Variants in SCP2 observed in about 807,000 individuals in gnomAD.
The protein encoded by SCP2 is sterol carrier protein 2, also known as SCP-2/3-oxoacyl-CoA thiolase.
In SCP2, 48 loss-of-function variants were observed where a neutral mutation model predicts 71.4. The ratio of observed to expected loss-of-function variants is 0.67; its 90% confidence interval spans 0.53 to 0.86. The LOEUF is 0.86. Among genes scored for constraint, SCP2 ranks in the 40% least tolerant of loss-of-function variants. SCP2 has a pLI of 0.00. For missense variants in SCP2, 560 were observed against 655.6 expected (o/e 0.85, Z 1.59); for synonymous variants, 220 against 218.1 (o/e 1.01, Z -0.08).
At chr1:52,950,726 C>T (rs775997412) in intron 3 of SCP2, 29 bp from the exon 4 acceptor site, 12 of 1,599,026 alleles carry the variant, frequency 7.5e-6, no homozygotes, top group Non-Finnish European at 1.0e-5. Context: ...CATAATTCTC[C>T]ATATTAAAAT....
chr1:53,028,100 A>G (rs1662265247), intron 13 of SCP2, 29 bp downstream of exon 13: 2 of 1,259,678 alleles, frequency 1.6e-6, no homozygotes, highest in Non-Finnish European at 2.3e-6. Flanking sequence ...ATTGCCAGGA[A>G]GGACCTTGAG....
chr1:53,041,262 G>A (rs530237548), intron 14 of SCP2, among the ~76,000 whole-genome samples: 1 of 152,004 alleles, frequency 6.6e-6, no homozygotes, highest in Non-Finnish European at 1.5e-5. Flanking sequence ...AATTAGCTGG[G>A]TGTGTGGTGC....
In SCP2 at chr1:53,018,986, T is replaced by C. The variant is rs529599381; in HGVS notation, c.1235+3943T>C. ...TCTTGACCATGATTTTTTTGAAGAG[T>C]GCAAGTATATTCTTTAATAGTAGAA... On this transcript the variant is annotated intron_variant, in intron 12 of 15. Coordinates refer to ENST00000371514, the MANE Select transcript of SCP2 (RefSeq NM_002979.5). 1.4e-4 allele frequency among the ~76,000 whole-genome samples: 21 copies of C among 152,246 alleles called. No individual in the cohort carries two copies. The East Asian group carries it at 4.0e-3, about 29-fold the overall frequency.
intron 11 of SCP2, chr1:52,995,649 T>C (rs1659881525): frequency 4.5e-6 from 3 of 665,708 alleles, no homozygotes; most frequent in Non-Finnish European, 8.6e-6. Flanking sequence ...CCGTGGCTGC[T>C]GTCTTTGTGG....
At chr1:52,941,923 G>T in intron 2 of SCP2, 70 bp downstream of exon 2, 1 of 1,153,874 alleles carries the variant, frequency 8.7e-7, no homozygotes, top group Non-Finnish European at 1.3e-6. Flanking sequence ...TTCATGGATG[G>T]GGCAGCCTTG....
chr1:52,972,054 A>T (rs1657548813), intron 6 of SCP2, among the ~76,000 whole-genome samples: 1 of 152,100 alleles, frequency 6.6e-6, no homozygotes, highest in South Asian at 2.1e-4. Flanking sequence ...ATTTGGGGGT[A>T]TTGTTTCTTT....
intron 2 of SCP2, among the ~76,000 whole-genome samples, chr1:52,943,374 C>G (rs531968932): frequency 3.3e-5 from 5 of 152,174 alleles, no homozygotes; most frequent in East Asian, 1.9e-4. Flanking sequence ...AGGCACCCCC[C>G]ACCTTGCCCA....
chr1:52,932,472 A>G (rs1653249424), intron 1 of SCP2, among the ~76,000 whole-genome samples: 1 of 152,220 alleles, frequency 6.6e-6, no homozygotes, highest in Non-Finnish European at 1.5e-5. Flanking sequence ...AGCTAATTAG[A>G]GAATGAATGT....
chr1:52,949,946 T>G (rs1655144127), intron 3 of SCP2, among the ~76,000 whole-genome samples: 1 of 152,192 alleles, frequency 6.6e-6, no homozygotes, highest in African/African-American at 2.4e-5. Context: ...GAACCTCTAC[T>G]TTACTTTTTA....
intron 1 of SCP2, among the ~76,000 whole-genome samples, chr1:52,935,181 G>C (rs1225999856): frequency 6.6e-6 from 1 of 150,726 alleles, no homozygotes; most frequent in Non-Finnish European, 1.5e-5. Context: ...CAGGAGAATT[G>C]CATGAACCCG....
intron 10 of SCP2, among the ~76,000 whole-genome samples, chr1:52,986,520 C>T (rs756055362): frequency 6.6e-6 from 1 of 152,132 alleles, no homozygotes; most frequent in African/African-American, 2.4e-5. Context: ...ATCTAAAATC[C>T]TGTGATTAGT....
chr1:53,030,573 C>G (rs984521980), intron 13 of SCP2, among the ~76,000 whole-genome samples: 1 of 151,948 alleles, frequency 6.6e-6, no homozygotes, highest in African/African-American at 2.4e-5. Context: ...CTTCACACCT[C>G]TGATACTATG....
At chr1:52,950,108 TTTTATTTA>T (rs35871937) in intron 3 of SCP2, among the ~76,000 whole-genome samples, 7 of 151,312 alleles carry the variant, frequency 4.6e-5, no homozygotes, top group Admixed American at 6.6e-5. Flanking sequence ...GGTTTAAAGA[TTTTATTTA>T]TTTATTTATT....
chr1:53,023,571 G>A (rs1661899419), intron 12 of SCP2, among the ~76,000 whole-genome samples: 1 of 152,108 alleles, frequency 6.6e-6, no homozygotes. Flanking sequence ...TTAAAGAAAA[G>A]GTATGGTATC....
chr1:52,975,476 C>G (rs1324579286), intron 7 of SCP2, among the ~76,000 whole-genome samples: 1 of 152,052 alleles, frequency 6.6e-6, no homozygotes, highest in Non-Finnish European at 1.5e-5. Context: ...CCGCACCCAG[C>G]CTGTATTTTT....
chr1:52,949,013 GA>G (rs1345791366), intron 3 of SCP2, among the ~76,000 whole-genome samples: 1 of 151,168 alleles, frequency 6.6e-6, no homozygotes, highest in African/African-American at 2.4e-5. Context: ...CATTTTAAAT[GA>G]TTATATGATA....
At chr1:53,002,433 T>C (rs779342849) in intron 11 of SCP2, among the ~76,000 whole-genome samples, 1 of 152,218 alleles carries the variant, frequency 6.6e-6, no homozygotes, top group Non-Finnish European at 1.5e-5. Flanking sequence ...TTGGAAGTTA[T>C]ATTTTGGCCG....
intron 1 of SCP2, among the ~76,000 whole-genome samples, chr1:52,928,926 C>T (rs779460426): frequency 2.0e-5 from 3 of 152,140 alleles, no homozygotes; most frequent in Non-Finnish European, 4.4e-5. Context: ...GTCAAACCTT[C>T]CTCTGGCTGC....
chr1:52,961,315 G>A (rs1033310670), intron 5 of SCP2, among the ~76,000 whole-genome samples, 188 bp from the exon 6 acceptor site: 9 of 151,784 alleles, frequency 5.9e-5, no homozygotes, highest in African/African-American at 2.2e-4. Context: ...TACCTCTTTG[G>A]TCACTTGATT....
Sources: allele counts gnomAD v4.1 joint callset (sites outside exome capture counted in the v4.1 genomes callset), GRCh38; gene constraint gnomAD v4.1.1; transcripts MANE v1.5; gene names NCBI Gene and HGNC (gene_info 2026-07-23, HGNC 2026-07-21).